The following TRAPPC10 variants were observed in gnomAD, a reference collection of about 807,000 sequenced individuals.
TRAPPC10 encodes trafficking protein particle complex subunit 10, also known as TRAPP 130 kDa subunit.
In TRAPPC10, 23 loss-of-function variants were observed where a neutral mutation model predicts 125.5. The ratio of observed to expected loss-of-function variants is 0.18; its 90% CI spans 0.13 to 0.26. The LOEUF is 0.26. TRAPPC10 is among the 10% of genes least tolerant of loss of function. TRAPPC10 has a pLI of 1.00. For missense variants in TRAPPC10, 1,123 were observed against 1,308.4 expected (o/e 0.86, Z 2.19); for synonymous variants, 509 against 518.0 (o/e 0.98, Z 0.24).
intron 2 of TRAPPC10, among the ~76,000 whole-genome samples, chr21:44,037,034 A>G (rs1318755115): frequency 6.6e-6 from 1 of 152,250 alleles, no homozygotes; most frequent in African/African-American, 2.4e-5. Flanking sequence ...GCATAGTCCC[A>G]TTCATGATGG....
chr21:44,083,171 C>T lies in TRAPPC10; in HGVS notation c.2107C>T (p.Leu703=), dbSNP rs2146113377. ...GIICRNVHML[L]RRQESSSSLE... is the part of the protein sequence containing the mutation. ...TATCTGCAGAAACGTCCACATGCTC[C>T]TGAGAAGGCAGGAGAGCAGCTCCTC... The change falls in exon 14 of 23, where the codon CTG becomes TTG. Residue 703 remains leucine (L), a synonymous_variant. Coordinates refer to ENST00000291574, the MANE Select transcript of TRAPPC10 (RefSeq NM_003274.5). 3 of 1,614,198 alleles carry T rather than the reference C, an allele frequency of 1.9e-6. No homozygotes were observed. Among genetic ancestry groups the T allele is most frequent in the East Asian group, 2.2e-5 (1 of 44,884 alleles).
At chr21:44,067,035 G>A (rs1453632570) in intron 7 of TRAPPC10, among the ~76,000 whole-genome samples, 1 of 152,194 alleles carries the variant, frequency 6.6e-6, no homozygotes, top group East Asian at 1.9e-4. Context: ...GGGGGGGTTT[G>A]GAATGTGTTT....
At chr21:44,026,435 G>A (rs1165778841) in intron 1 of TRAPPC10, among the ~76,000 whole-genome samples, 2 of 152,092 alleles carry the variant, frequency 1.3e-5, no homozygotes, top group East Asian at 1.9e-4. Context: ...TTGTAATCTC[G>A]GATGTTTTTA....
intron 1 of TRAPPC10, among the ~76,000 whole-genome samples, chr21:44,027,841 TA>T (rs937844760): frequency 6.6e-6 from 1 of 152,020 alleles, no homozygotes; most frequent in Admixed American, 6.6e-5. Flanking sequence ...AGTGCCCTTA[TA>T]AAAAAGGGCC....
At chr21:44,052,113 G>A (rs1010803888) in intron 3 of TRAPPC10, among the ~76,000 whole-genome samples, 167 bp from the exon 4 acceptor site, 61 of 152,338 alleles carry the variant, frequency 4.0e-4, no homozygotes, top group African/African-American at 6.5e-4. Flanking sequence ...CACAGAGCAC[G>A]CCCGCAGGCT....
In TRAPPC10 at chr21:44,063,075, G is replaced by T. The variant is rs533534123; in HGVS notation, c.791-463G>T. 1.7e-5 allele frequency: 22 copies of T among 1,304,368 alleles called. No individual in the cohort carries two copies. The highest frequency in any genetic ancestry group is 2.2e-4 in the Middle Eastern group (1 of 4,570). 80.8% of individuals were successfully genotyped at this position (1,304,368 alleles called of 1,614,324 possible). A position where few individuals can be genotyped will look rare whatever the true frequency, so the allele number is the denominator to read the frequency against. ...CAGGAGCTTGACTCAGGGACGTGAC[G>T]TGGTTGAGTTAGGGAAATAAGGAAG... On this transcript the variant is annotated intron_variant, in intron 6 of 22. Coordinates refer to ENST00000291574, the MANE Select transcript of TRAPPC10 (RefSeq NM_003274.5). This position sits in a 1 kb window ranked among gnomAD's most constrained non-coding sequence, Gnocchi z 4.4.
chr21:44,082,701 G>T lies in TRAPPC10; in HGVS notation c.1724-87G>T, dbSNP rs534853890. 1 of 1,475,084 alleles carries T rather than the reference G, an allele frequency of 6.8e-7. No individual in the cohort carries two copies. 91.4% of individuals were successfully genotyped at this position (1,475,084 alleles called of 1,614,324 possible). ...CTGCTGCTTGCTTCAGTCTGCTCTC[G>T]GTGATCTTACTGTGTCCGCGGCCTG... On this transcript the variant is annotated intron_variant, in intron 13 of 22. Transcript: ENST00000291574. The surrounding 1 kb of genome is among the most constrained non-coding windows in gnomAD (Gnocchi z 4.4).
At chr21:44,054,131 T>C (rs1446468045) in intron 4 of TRAPPC10, among the ~76,000 whole-genome samples, 1 of 152,222 alleles carries the variant, frequency 6.6e-6, no homozygotes, top group African/African-American at 2.4e-5. Context: ...AAGGATAAAC[T>C]ACCTAACTCA....
chr21:44,021,265 A>G (rs966915833), intron 1 of TRAPPC10, among the ~76,000 whole-genome samples: 17 of 152,174 alleles, frequency 1.1e-4, no homozygotes, highest in African/African-American at 3.6e-4. Flanking sequence ...CGGAGGACCT[A>G]TTACATGCCA....
chr21:44,084,236 C>T lies in TRAPPC10; in HGVS notation c.2353C>T (p.Pro785Ser). The change falls in exon 15 of 23, where the codon CCC (proline) becomes TCC (serine). Residue 785 changes from proline (P) to serine (S), a missense_variant. By Grantham distance (74) the Pro-to-Ser change is moderately conservative. Around this residue, in one of 4 missense-constraint regions of TRAPPC10, gnomAD observed 840 missense variants for 902.0 expected, o/e 0.93. Transcript: ENST00000291574. ...GCAGTACGACGTGTACTCACAGGAG[C>T]CCCAGCTGCACGTGGAGCCGCTGGC... ...IVQYDVYSQE[P>S]QLHVEPLADS... The T allele has an allele frequency of 6.2e-7, 1 of 1,613,928 alleles. No homozygotes were observed. Among genetic ancestry groups the T allele is most frequent in the Non-Finnish European group, 8.5e-7 (1 of 1,179,940 alleles).
Position 44,059,243 on chromosome 21 carries a change from CTTTTCT to C in TRAPPC10, c.790+31_790+36del. The stretch of plus-strand genomic sequence containing the variant: ...AGTAGTGGCACTTCAGTAACGCATG[CTTTTCT>C]TAGTGTGGCTTTCTCCAACTTCAGA... On this transcript the variant is annotated intron_variant, in intron 6 of 22. Coordinates refer to ENST00000291574, the MANE Select transcript of TRAPPC10 (RefSeq NM_003274.5). This position sits in a 1 kb window ranked among gnomAD's most constrained non-coding sequence, Gnocchi z 4.4. 1 of 1,517,838 alleles carries C rather than the reference CTTTTCT, an allele frequency of 6.6e-7. No individual in the cohort carries two copies. Among genetic ancestry groups the C allele is most frequent in the Non-Finnish European group, 9.0e-7 (1 of 1,113,254 alleles). 94.0% of individuals were successfully genotyped at this position (1,517,838 alleles called of 1,614,324 possible).
intron 7 of TRAPPC10, among the ~76,000 whole-genome samples, chr21:44,072,725 A>T (rs750517313): frequency 1.3e-5 from 2 of 151,980 alleles, no homozygotes; most frequent in Non-Finnish European, 2.9e-5. Flanking sequence ...CGGCCTCCCA[A>T]CGTGCTGAGA....
intron 7 of TRAPPC10, among the ~76,000 whole-genome samples, chr21:44,072,786 A>G (rs2036976110): frequency 6.6e-6 from 1 of 152,116 alleles, no homozygotes; most frequent in African/African-American, 2.4e-5. Context: ...TCTTTCTGTC[A>G]CCAGTGTGTG....
chr21:44,094,380 C>T (rs1163125405), intron 20 of TRAPPC10, 147 bp downstream of exon 20: 3 of 790,028 alleles, frequency 3.8e-6, no homozygotes, highest in Non-Finnish European at 5.9e-6. Context: ...GTAGTTGAAT[C>T]ATTGACTGTC....
At position 44,082,816 on chromosome 21, in the gene TRAPPC10, C is replaced by G. The variant is rs756756016; in HGVS notation, c.1752C>G (p.Ser584=). Residue 584 remains serine (S), a synonymous_variant, in exon 14 of 23, where the codon TCC becomes TCG. Coordinates refer to ENST00000291574, the MANE Select transcript of TRAPPC10 (RefSeq NM_003274.5). This position sits in a 1 kb window ranked among gnomAD's most constrained non-coding sequence, Gnocchi z 4.4. The stretch of plus-strand genomic sequence containing the variant: ...ATAAGATAGTGCTACCCATGCATTC[C>G]TTTGCACAACTGCGAGATCTCCATT... ...PGHKIVLPMH[S]FAQLRDLHFD... The G allele has an allele frequency of 5.0e-6, 8 of 1,613,796 alleles. No individual in the cohort carries two copies. The highest frequency in any genetic ancestry group is 5.1e-6 in the Non-Finnish European group (6 of 1,180,008).
chr21:44,087,846 A>G lies in TRAPPC10; in HGVS notation c.2687A>G (p.Asp896Gly). The G allele has an allele frequency of 6.2e-7, 1 of 1,614,238 alleles. No homozygotes were observed. The highest frequency in any genetic ancestry group is 2.2e-5 in the East Asian group (1 of 44,892). The stretch of plus-strand genomic sequence containing the variant: ...GCCCCAGCACTCGGAGGGGAGAGTG[A>G]CATGCTGGGGATGGCAGAGCCCCAC... ...PSAPALGGESDMLGMAEPHRK... is the reference protein window; with the variant it reads ...PSAPALGGESGMLGMAEPHRK... Residue 896 changes from aspartate to glycine, a missense_variant, in exon 17 of 23, where the codon GAC (aspartate) becomes GGC (glycine). Transcript: ENST00000291574. This position sits in a 1 kb window ranked among gnomAD's most constrained non-coding sequence, Gnocchi z 4.6.
chr21:44,062,689 C>T lies in TRAPPC10; in HGVS notation c.791-849C>T, dbSNP rs1006825362. ...GGTCCACTCCACACTGCTGGGTGCT[C>T]CAATAGCCCTGAGGATGCTGGTGCA... is the stretch of plus-strand genomic sequence containing the variant. On this transcript the variant is annotated intron_variant, in intron 6 of 22. Transcript: ENST00000291574. The T allele has an allele frequency of 9.1e-6, 9 of 985,230 alleles. No individual in the cohort carries two copies. The African/African-American group carries it at 1.0e-4, about 11-fold the overall frequency. 61.0% of individuals were successfully genotyped at this position (985,230 alleles called of 1,614,324 possible). A position where few individuals can be genotyped will look rare whatever the true frequency, so the allele number is the denominator to read the frequency against.
chr21:44,073,498 G>A (rs1021107576), intron 7 of TRAPPC10, among the ~76,000 whole-genome samples: 3 of 152,172 alleles, frequency 2.0e-5, no homozygotes, highest in Non-Finnish European at 2.9e-5. Flanking sequence ...TTATACAGCA[G>A]GCGATTTTGC....
intron 12 of TRAPPC10, 145 bp downstream of exon 12, chr21:44,079,849 A>G: frequency 9.0e-7 from 1 of 1,105,244 alleles, no homozygotes; most frequent in South Asian, 1.6e-5. Context: ...AAATGAATGA[A>G]ATGTCTAGTC....
Sources: gnomAD v4.1 joint callset for allele counts (sites outside exome capture counted in the v4.1 genomes callset) on GRCh38, gnomAD v4.1.1 for gene constraint, gnomAD v4.1.1 regional missense constraint, Gnocchi (gnomAD v3.1) non-coding constraint, MANE v1.5 for transcripts, NCBI Gene and HGNC (gene_info 2026-07-23, HGNC 2026-07-21) for gene names.